KSR2: variants seen among roughly 807,000 people sequenced by gnomAD.
The protein encoded by KSR2 is kinase suppressor of ras 2.
KSR2 carries 25 observed loss-of-function variants against 107.8 expected under a neutral mutation model. The ratio of observed to expected loss-of-function variants is 0.23; its 90% CI spans 0.17 to 0.32. KSR2 has a LOEUF of 0.32. Ranked by LOEUF, KSR2 falls within the 10% of genes least tolerant of loss-of-function variation. The pLI is 1.00. For missense variants in KSR2, 887 were observed against 1,268.9 expected (o/e 0.70, Z 4.57); for synonymous variants, 480 against 507.0 (o/e 0.95, Z 0.71).
Position 117,549,437 on chromosome 12 carries a change from T to TA in KSR2, c.1518+5731dup, listed in dbSNP as rs954027314. On this transcript the variant is annotated intron_variant, in intron 9 of 19. Coordinates refer to ENST00000339824, the MANE Select transcript of KSR2 (RefSeq NM_173598.6). Reference sequence around the variant, plus strand: ...CAAAAAGATGGTCATCGTCTAACTTTAAAAAAAAAACCATATAGGCTTGTG... The same window carrying TA: ...CAAAAAGATGGTCATCGTCTAACTTTAAAAAAAAAAACCATATAGGCTTGTG... 3.9e-3 allele frequency among the ~76,000 whole-genome samples: 588 copies of TA among 148,990 alleles called. 3 individuals carry two copies. The highest frequency in any genetic ancestry group is 0.013 in the African/African-American group (539 of 40,738).
chr12:117,845,242 T>C (rs1437697713), intron 3 of KSR2, among the ~76,000 whole-genome samples: 1 of 152,208 alleles, frequency 6.6e-6, no homozygotes, highest in Non-Finnish European at 1.5e-5. Flanking sequence ...GGCAGTTGTG[T>C]TGAGCCACTA....
intron 3 of KSR2, among the ~76,000 whole-genome samples, chr12:117,840,806 A>G (rs184270203): frequency 1.0e-4 from 15 of 146,992 alleles, no homozygotes; most frequent in East Asian, 2.3e-4. Context: ...TTTGAGACCA[A>G]CCTGGCCAAC....
intron 14 of KSR2, among the ~76,000 whole-genome samples, chr12:117,493,800 G>T (rs940988890): frequency 6.6e-6 from 1 of 152,150 alleles, no homozygotes; most frequent in Non-Finnish European, 1.5e-5. Flanking sequence ...AATCATGGGG[G>T]TGAGTCTTTC....
At chr12:117,709,468 C>T (rs191700290) in intron 4 of KSR2, among the ~76,000 whole-genome samples, 40 of 152,246 alleles carry the variant, frequency 2.6e-4, no homozygotes, top group African/African-American at 9.1e-4. Context: ...GGTCTATGGG[C>T]ATGCACCACC....
intron 3 of KSR2, among the ~76,000 whole-genome samples, chr12:117,843,533 G>A (rs997779394): frequency 2.5e-4 from 38 of 152,300 alleles, no homozygotes; most frequent in African/African-American, 9.1e-4. Context: ...GATTAGAGCT[G>A]GCCAAAAGTG....
intron 4 of KSR2, among the ~76,000 whole-genome samples, chr12:117,747,731 G>T (rs1459111211): frequency 6.6e-6 from 1 of 152,126 alleles, no homozygotes; most frequent in African/African-American, 2.4e-5. Flanking sequence ...TCGAGGAATT[G>T]CAAATTAAAA....
At chr12:117,955,773 A>G (rs981685630) in intron 1 of KSR2, among the ~76,000 whole-genome samples, 2 of 151,692 alleles carry the variant, frequency 1.3e-5, no homozygotes, top group African/African-American at 4.8e-5. Context: ...AAATCGCTTC[A>G]GTGCTCAAAA....
At chr12:117,902,609 G>A (rs909264069) in intron 1 of KSR2, among the ~76,000 whole-genome samples, 2 of 152,012 alleles carry the variant, frequency 1.3e-5, no homozygotes, top group African/African-American at 4.8e-5. Flanking sequence ...TTCAGGGATA[G>A]GGGAGGGATA....
chr12:117,852,070 TG>T (rs371607896), intron 3 of KSR2, among the ~76,000 whole-genome samples: 3,218 of 151,432 alleles, frequency 0.021, 111 homozygotes, highest in African/African-American at 0.071. Flanking sequence ...CCTATGTGTG[TG>T]GGGGGGGTCA....
chr12:117,734,116 AC>A (rs1887839730), intron 4 of KSR2, among the ~76,000 whole-genome samples: 1 of 152,106 alleles, frequency 6.6e-6, no homozygotes, highest in South Asian at 2.1e-4. Context: ...CCCCGTCTCT[AC>A]CAAAAATATA....
chr12:117,943,964 G>GCCATGATTGTGCCTTTCACCTTTCA (rs1448666029), intron 1 of KSR2, among the ~76,000 whole-genome samples: 2 of 152,074 alleles, frequency 1.3e-5, no homozygotes, highest in South Asian at 4.1e-4. Flanking sequence ...TTCACCTTTT[G>GCCATGATTGTGCCTTTCACCTTTCA]CCATGATTGT....
chr12:117,957,768 C>T (rs1047242548), intron 1 of KSR2, among the ~76,000 whole-genome samples: 4 of 150,926 alleles, frequency 2.7e-5, no homozygotes, highest in East Asian at 2.0e-4. Flanking sequence ...CACACACACA[C>T]ACACGCACAC....
chr12:117,730,376 T>C (rs563779533), intron 4 of KSR2, among the ~76,000 whole-genome samples: 37 of 152,202 alleles, frequency 2.4e-4, no homozygotes, highest in African/African-American at 8.9e-4. Flanking sequence ...ATGGTAAGAA[T>C]GCAATATATC....
At chr12:117,662,257 A>G (rs1250685718) in intron 5 of KSR2, among the ~76,000 whole-genome samples, 1 of 152,220 alleles carries the variant, frequency 6.6e-6, no homozygotes, top group Non-Finnish European at 1.5e-5. Flanking sequence ...ACTGTGGTTC[A>G]GCCAGCAAAC....
chr12:117,544,412 G>A (rs1014958492), intron 9 of KSR2, among the ~76,000 whole-genome samples: 3 of 152,158 alleles, frequency 2.0e-5, no homozygotes, highest in African/African-American at 7.2e-5. Flanking sequence ...AAGGTCAGGA[G>A]TTCGAGACCA....
At chr12:117,602,971 G>A (rs898587121) in intron 5 of KSR2, among the ~76,000 whole-genome samples, 11 of 152,176 alleles carry the variant, frequency 7.2e-5, no homozygotes, top group African/African-American at 2.4e-4. Flanking sequence ...TCTGCAAATC[G>A]AGGATGGGCA....
intron 1 of KSR2, among the ~76,000 whole-genome samples, chr12:117,920,961 C>A (rs1895324761): frequency 6.6e-6 from 1 of 152,184 alleles, no homozygotes; most frequent in South Asian, 2.1e-4. Context: ...TAAATTACAG[C>A]TATCTGCATA....
At chr12:117,871,249 C>T (rs1335790770) in intron 1 of KSR2, among the ~76,000 whole-genome samples, 1 of 152,162 alleles carries the variant, frequency 6.6e-6, no homozygotes, top group African/African-American at 2.4e-5. Flanking sequence ...AGCGGATAAA[C>T]TGGGATTTGA....
At chr12:117,561,385 T>C (rs1315994520) in intron 7 of KSR2, among the ~76,000 whole-genome samples, 1 of 152,212 alleles carries the variant, frequency 6.6e-6, no homozygotes, top group Admixed American at 6.5e-5. Context: ...TGTTAGGTAA[T>C]ATCCTGAGTG....
Sources: gnomAD v4.1 joint callset for allele counts (sites outside exome capture counted in the v4.1 genomes callset) on GRCh38, gnomAD v4.1.1 for gene constraint, MANE v1.5 for transcripts, NCBI Gene and HGNC (gene_info 2026-07-23, HGNC 2026-07-21) for gene names.